The following AGAP1 variants were observed in gnomAD, a reference collection of about 807,000 sequenced individuals.
AGAP1 encodes ArfGAP with GTPase domain, ankyrin repeat and PH domain 1.
AGAP1 carries 29 observed loss-of-function variants against 105.3 expected under a neutral mutation model. The observed-to-expected ratio is 0.28, with a 90% CI of 0.21 to 0.38. The LOEUF (loss-of-function observed/expected upper bound fraction) is 0.38. Ranked by LOEUF, AGAP1 falls within the 10% of genes least tolerant of loss-of-function variation. The pLI is 1.00. For missense variants in AGAP1, 998 were observed against 1,165.1 expected, an observed-to-expected ratio of 0.86 and a Z score of 2.09; for synonymous variants, 509 against 485.9, an observed-to-expected ratio of 1.05 and a Z score of -0.63.
At chr2:236,021,184 A>C (rs111556446) in intron 13 of AGAP1, among the ~76,000 whole-genome samples, 260 of 151,606 alleles carry the variant, frequency 1.7e-3, no homozygotes, top group African/African-American at 5.3e-3. Flanking sequence ...AAAAAAAAAA[A>C]CTAATACAGA....
rs921012382 is a variant in AGAP1 at position 235,747,401 on chromosome 2, G to A, written c.538+2562G>A. Among the ~76,000 whole-genome samples the A allele has an allele frequency of 2.6e-5, 4 of 152,178 alleles. No homozygotes were observed. The highest frequency in any genetic ancestry group is 9.7e-5 in the African/African-American group (4 of 41,440). ...CAGGGGAGTGTGTGCGTGTGCGAGG[G>A]TGGCCTCTGGGGTTGGGAGGTAAGT... On this transcript the variant is annotated intron_variant, in intron 5 of 17. Transcript: ENST00000304032. The surrounding 1 kb of genome is among the most constrained non-coding windows in gnomAD (Gnocchi z 5.0).
At chr2:235,790,177 A>G (rs1956889808) in intron 6 of AGAP1, among the ~76,000 whole-genome samples, 1 of 152,174 alleles carries the variant, frequency 6.6e-6, no homozygotes, top group Admixed American at 6.5e-5. Flanking sequence ...CGCCGTGCTT[A>G]TGGGAAGATG....
At chr2:235,815,564 CTG>C (rs1559521161) in intron 9 of AGAP1, among the ~76,000 whole-genome samples, 1 of 152,120 alleles carries the variant, frequency 6.6e-6, no homozygotes, top group African/African-American at 2.4e-5. Context: ...GAGCTGAGCT[CTG>C]TGTGACCGAG....
intron 16 of AGAP1, among the ~76,000 whole-genome samples, chr2:236,097,380 CTTTTTTTTTTTT>C (rs58882083): frequency 5.5e-4 from 27 of 48,668 alleles, no homozygotes; most frequent in Non-Finnish European, 6.2e-4. Context: ...TCATCCTAAT[CTTTTTTTTTTTT>C]TTTTTTTTTT....
intron 16 of AGAP1, among the ~76,000 whole-genome samples, chr2:236,074,392 C>T (rs2058583384): frequency 1.3e-5 from 2 of 152,182 alleles, no homozygotes. Flanking sequence ...TATAAAGATA[C>T]TGGGTGTTCT....
intron 16 of AGAP1, among the ~76,000 whole-genome samples, chr2:236,068,747 C>A (rs1233324250): frequency 4.1e-5 from 6 of 146,776 alleles, no homozygotes; most frequent in African/African-American, 1.5e-4. Context: ...TTGCAGTGAG[C>A]CAAGATCGCG....
rs150983448 is a variant in AGAP1 at position 235,872,892 on chromosome 2, T to C, written c.1051-10453T>C. 4.6e-3 allele frequency among the ~76,000 whole-genome samples: 698 copies of C among 152,288 alleles called. 4 individuals are homozygous for C. Among genetic ancestry groups the C allele is most frequent in the African/African-American group, 0.016 (650 of 41,576 alleles). On this transcript the variant is annotated intron_variant, in intron 9 of 17. Transcript: ENST00000304032. This position sits in a 1 kb window ranked among gnomAD's most constrained non-coding sequence, Gnocchi z 4.5. ...AGTGTGGACTAAGAAGGGGCTTGGC[T>C]TGTGTTGCCACATGTGAGAAGACCT...
At chr2:235,638,758 G>A (rs2149301880) in intron 1 of AGAP1, among the ~76,000 whole-genome samples, 1 of 152,340 alleles carries the variant, frequency 6.6e-6, no homozygotes, top group East Asian at 1.9e-4. Context: ...GCTGAGGCCG[G>A]AGGAGGAGGG....
At chr2:235,683,726 C>G (rs564802236) in intron 1 of AGAP1, among the ~76,000 whole-genome samples, 13 of 149,700 alleles carry the variant, frequency 8.7e-5, no homozygotes, top group African/African-American at 2.5e-4. Flanking sequence ...ATTTTAAGTT[C>G]TAGGGTTACA....
chr2:235,633,511 C>T lies in AGAP1; in HGVS notation c.164-75668C>T, dbSNP rs1036716484. Among the ~76,000 whole-genome samples, 2 of 152,102 alleles carry T rather than the reference C, an allele frequency of 1.3e-5. No individual in the cohort carries two copies. Among genetic ancestry groups the T allele is most frequent in the African/African-American group, 2.4e-5 (1 of 41,426 alleles). On this transcript the variant is annotated intron_variant, in intron 1 of 17. Transcript: ENST00000304032. This position sits in a 1 kb window ranked among gnomAD's most constrained non-coding sequence, Gnocchi z 4.8. ...CGGGGGCTAAAGCAGGAGAATCCCT[C>T]GAACCCAGGAGGAGGAGGTTGCAGT...
At chr2:236,008,008 T>C (rs2056381002) in intron 13 of AGAP1, among the ~76,000 whole-genome samples, 1 of 152,390 alleles carries the variant, frequency 6.6e-6, no homozygotes, top group Admixed American at 6.5e-5. Context: ...TTTGAAAAAC[T>C]AATTTGAACC....
chr2:235,799,627 A>G lies in AGAP1; in HGVS notation c.957+105A>G, dbSNP rs1028568180. On this transcript the variant is annotated intron_variant, in intron 8 of 17. Transcript: ENST00000304032. The surrounding 1 kb of genome is among the most constrained non-coding windows in gnomAD (Gnocchi z 5.0). ...CAGTGGTATTTGTAGAATCTCAACTATATTAAAGTGAATAACATTGATTTC... is the reference window on the plus strand; with the variant it reads ...CAGTGGTATTTGTAGAATCTCAACTGTATTAAAGTGAATAACATTGATTTC... 3.4e-5 allele frequency: 43 copies of G among 1,264,844 alleles called. No homozygotes were observed. In the African/African-American group the frequency reaches 5.1e-4, roughly 15 times the overall value. 78.4% of individuals were successfully genotyped at this position (1,264,844 alleles called of 1,614,324 possible). A position where few individuals can be genotyped will look rare whatever the true frequency, so the allele number is the denominator to read the frequency against.
chr2:235,758,911 G>C (rs1954161981), intron 6 of AGAP1, among the ~76,000 whole-genome samples: 1 of 152,156 alleles, frequency 6.6e-6, no homozygotes, highest in Non-Finnish European at 1.5e-5. Context: ...TCCCGCCCCA[G>C]CCTCCCAAGT....
chr2:235,874,983 C>T lies in AGAP1; in HGVS notation c.1051-8362C>T, dbSNP rs1391735962. On this transcript the variant is annotated intron_variant, in intron 9 of 17. Coordinates refer to ENST00000304032, the MANE Select transcript of AGAP1 (RefSeq NM_001037131.3). The surrounding 1 kb of genome is among the most constrained non-coding windows in gnomAD (Gnocchi z 4.5). Reference sequence around the variant, plus strand: ...TGAAGCGGAAGCAAACTAGAAACAGCTCTCCCAAACGTGGGCAAAAAAAGA... The same window carrying T: ...TGAAGCGGAAGCAAACTAGAAACAGTTCTCCCAAACGTGGGCAAAAAAAGA... 6.6e-6 allele frequency among the ~76,000 whole-genome samples: 1 copy of T among 152,182 alleles called. No individual in the cohort carries two copies. Among genetic ancestry groups the T allele is most frequent in the Non-Finnish European group, 1.5e-5 (1 of 68,032 alleles).
At chr2:235,785,411 C>T (rs956734746) in intron 6 of AGAP1, among the ~76,000 whole-genome samples, 5 of 152,254 alleles carry the variant, frequency 3.3e-5, no homozygotes, top group African/African-American at 1.2e-4. Flanking sequence ...CCAATTATTG[C>T]ACTTAACTGG....
At chr2:235,604,471 G>A (rs1349493097) in intron 1 of AGAP1, among the ~76,000 whole-genome samples, 4 of 125,408 alleles carry the variant, frequency 3.2e-5, no homozygotes, top group African/African-American at 1.3e-4. Flanking sequence ...AACAGAGCGA[G>A]ACCCTGTATC....
chr2:235,605,777 A>G (rs373938413), intron 1 of AGAP1, among the ~76,000 whole-genome samples: 3 of 152,230 alleles, frequency 2.0e-5, no homozygotes, highest in South Asian at 4.1e-4. Flanking sequence ...TCAACCAGCA[A>G]TTAGTCAATG....
chr2:235,978,911 A>T (rs543584757), intron 13 of AGAP1, among the ~76,000 whole-genome samples: 195 of 148,866 alleles, frequency 1.3e-3, no homozygotes, highest in African/African-American at 4.2e-3. Context: ...ATACGTTTTT[A>T]AAAAAAAAAG....
intron 1 of AGAP1, among the ~76,000 whole-genome samples, chr2:235,522,272 T>G (rs1942652426): frequency 6.6e-6 from 1 of 152,096 alleles, no homozygotes; most frequent in African/African-American, 2.4e-5. Context: ...TCACGTCGGT[T>G]GAGGATTTGA....
Sources: allele counts gnomAD v4.1 joint callset (sites outside exome capture counted in the v4.1 genomes callset), GRCh38; gene constraint gnomAD v4.1.1; non-coding constraint Gnocchi (gnomAD v3.1); transcripts MANE v1.5; gene names NCBI Gene and HGNC (gene_info 2026-07-23, HGNC 2026-07-21).